The following DEPTOR variants were observed in gnomAD, a reference collection of about 807,000 sequenced individuals.
DEPTOR encodes the protein DEP domain-containing mTOR-interacting protein.
Under a neutral mutation model 41.6 loss-of-function variants are expected in DEPTOR, and 41 were observed. The observed-to-expected ratio is 0.98, with a 90% CI of 0.77 to 1.28. The LOEUF is 1.28. Ranked by LOEUF, DEPTOR falls within the 50% of genes most tolerant of loss-of-function variation. DEPTOR has a pLI of 0.00. For synonymous variants in DEPTOR, 195 were observed against 192.3 expected (o/e 1.01, Z -0.12); for missense variants, 514 against 527.9 (o/e 0.97, Z 0.26).
At chr8:119,976,770 A>AG (rs1322289239) in intron 4 of DEPTOR, among the ~76,000 whole-genome samples, 3 of 152,116 alleles carry the variant, frequency 2.0e-5, no homozygotes, top group Non-Finnish European at 4.4e-5. Flanking sequence ...GTCGGGTCAC[A>AG]GGCTCACCTC....
intron 1 of DEPTOR, among the ~76,000 whole-genome samples, chr8:119,892,473 T>C (rs1387775269): frequency 1.3e-5 from 2 of 152,244 alleles, no homozygotes; most frequent in African/African-American, 4.8e-5. Context: ...AAAGTGGTTT[T>C]ATGCTCAGAT....
chr8:119,902,574 G>A (rs1827608913), intron 1 of DEPTOR, among the ~76,000 whole-genome samples: 1 of 152,104 alleles, frequency 6.6e-6, no homozygotes, highest in Non-Finnish European at 1.5e-5. Flanking sequence ...CCTGACCTCA[G>A]GTGATCCACC....
At chr8:120,005,526 T>C (rs956523307) in intron 6 of DEPTOR, among the ~76,000 whole-genome samples, 3 of 152,176 alleles carry the variant, frequency 2.0e-5, no homozygotes, top group African/African-American at 4.8e-5. Context: ...CTGCACACTC[T>C]TTCCAGGACT....
chr8:119,936,307 A>G lies in DEPTOR; in HGVS notation c.425+6369A>G, dbSNP rs536339740. 2.6e-5 allele frequency among the ~76,000 whole-genome samples: 4 copies of G among 152,294 alleles called. No individual in the cohort carries two copies. The South Asian group carries it at 6.2e-4, about 24-fold the overall frequency. ...TAGGATCTTTCTCCTGTTCTCTCCC[A>G]GTGCCTGGGACAATAAATATTTGTT... is the stretch of plus-strand genomic sequence containing the variant. On this transcript the variant is annotated intron_variant, in intron 3 of 8. Coordinates refer to ENST00000286234, the MANE Select transcript of DEPTOR (RefSeq NM_022783.4).
At chr8:120,038,236 T>C (rs1322276496) in intron 8 of DEPTOR, among the ~76,000 whole-genome samples, 23 of 143,368 alleles carry the variant, frequency 1.6e-4, no homozygotes, top group African/African-American at 5.8e-4. Context: ...GCCACTGCAC[T>C]CCAGCCTGGG....
chr8:119,902,276 G>A (rs1440758390), intron 1 of DEPTOR, among the ~76,000 whole-genome samples: 1 of 152,144 alleles, frequency 6.6e-6, no homozygotes, highest in African/African-American at 2.4e-5. Flanking sequence ...AGCTCAGAGA[G>A]AAACTAAGTG....
At chr8:119,892,137 T>A (rs1404213358) in intron 1 of DEPTOR, among the ~76,000 whole-genome samples, 1 of 152,186 alleles carries the variant, frequency 6.6e-6, no homozygotes, top group Non-Finnish European at 1.5e-5. Context: ...TAGCTGGGAC[T>A]ACAGGCACGT....
chr8:119,909,466 G>A (rs1234747782), intron 1 of DEPTOR, among the ~76,000 whole-genome samples: 1 of 152,126 alleles, frequency 6.6e-6, no homozygotes, highest in Non-Finnish European at 1.5e-5. Flanking sequence ...TCTTTATATA[G>A]GCATCAGCAG....
chr8:119,995,450 G>A (rs557101380), intron 4 of DEPTOR, among the ~76,000 whole-genome samples: 1 of 151,952 alleles, frequency 6.6e-6, no homozygotes, highest in African/African-American at 2.4e-5. Flanking sequence ...GCCAGGCCTG[G>A]TGGTAGGTGC....
intron 4 of DEPTOR, among the ~76,000 whole-genome samples, chr8:119,981,186 C>T (rs955442340): frequency 2.6e-5 from 4 of 152,108 alleles, no homozygotes; most frequent in Admixed American, 1.3e-4. Context: ...CCTAAAGAAT[C>T]GAAACAATGT....
chr8:120,023,226 CTTTCT>C (rs917059993), intron 8 of DEPTOR, among the ~76,000 whole-genome samples: 8 of 151,990 alleles, frequency 5.3e-5, no homozygotes, highest in East Asian at 3.9e-4. Flanking sequence ...ACTTTAATTA[CTTTCT>C]TTTCTTTTCT....
intron 4 of DEPTOR, among the ~76,000 whole-genome samples, chr8:119,968,845 T>G (rs537673090): frequency 8.5e-5 from 13 of 152,262 alleles, no homozygotes; most frequent in Non-Finnish European, 1.5e-4. Context: ...GGTTCTTTCA[T>G]ATCTTTGCTC....
At chr8:120,048,384 C>T (rs1047562802) in intron 8 of DEPTOR, among the ~76,000 whole-genome samples, 1 of 152,204 alleles carries the variant, frequency 6.6e-6, no homozygotes, top group Admixed American at 6.5e-5. Flanking sequence ...TTGCAAATTA[C>T]TGTGGCCTAG....
chr8:120,001,841 A>G, intron 5 of DEPTOR, 131 bp downstream of exon 5: 3 of 1,144,170 alleles, frequency 2.6e-6, no homozygotes, highest in Non-Finnish European at 3.5e-6. Context: ...ACCAAGAAGC[A>G]TGAAAAAAAT....
At position 119,978,204 on chromosome 8, in the gene DEPTOR, C is replaced by T. The variant is rs144767687; in HGVS notation, c.604+12794C>T. 3.4e-3 allele frequency among the ~76,000 whole-genome samples: 522 copies of T among 152,218 alleles called. 2 individuals carry two copies. Among genetic ancestry groups the T allele is most frequent in the Non-Finnish European group, 5.2e-3 (355 of 68,026 alleles). On this transcript the variant is annotated intron_variant, in intron 4 of 8. Transcript: ENST00000286234. The stretch of plus-strand genomic sequence containing the variant: ...ACAACAGCACACAGAAGTCTTAAAA[C>T]GCCAGCACAATATCTCTATGCAGTT...
At chr8:119,954,220 T>G (rs1828390221) in intron 3 of DEPTOR, among the ~76,000 whole-genome samples, 1 of 151,956 alleles carries the variant, frequency 6.6e-6, no homozygotes, top group Non-Finnish European at 1.5e-5. Flanking sequence ...CACAGCTCAC[T>G]GCAGCCTCAA....
chr8:119,896,089 G>T (rs1198077912), intron 1 of DEPTOR, among the ~76,000 whole-genome samples: 1 of 151,904 alleles, frequency 6.6e-6, no homozygotes, highest in Non-Finnish European at 1.5e-5. Context: ...AGTATTTATG[G>T]ATTTTGTGTT....
At chr8:119,985,707 C>A (rs924132126) in intron 4 of DEPTOR, among the ~76,000 whole-genome samples, 5 of 151,850 alleles carry the variant, frequency 3.3e-5, no homozygotes, top group African/African-American at 1.2e-4. Context: ...ATATTTAGGA[C>A]AGTTAGCTCT....
chr8:120,032,698 C>T (rs1812910955), intron 8 of DEPTOR, among the ~76,000 whole-genome samples: 1 of 152,204 alleles, frequency 6.6e-6, no homozygotes, highest in Non-Finnish European at 1.5e-5. Context: ...TGAAATCCTT[C>T]AGCACCTCTG....
Sources: allele counts gnomAD v4.1 joint callset (sites outside exome capture counted in the v4.1 genomes callset), GRCh38; gene constraint gnomAD v4.1.1; transcripts MANE v1.5; gene names NCBI Gene and HGNC (gene_info 2026-07-23, HGNC 2026-07-21).